The following SYNJ2BP variants were observed in gnomAD, a reference collection of about 807,000 sequenced individuals.
SYNJ2BP encodes the protein synaptojanin 2 binding protein.
A neutral mutation model predicts 16.9 loss-of-function variants in SYNJ2BP; 10 were observed. The observed-to-expected ratio is 0.59, with a 90% CI of 0.36 to 1.00. The LOEUF (loss-of-function observed/expected upper bound fraction) is 1.00, where lower values mean the gene tolerates loss of function less well. Ranked by LOEUF, SYNJ2BP falls within the 50% of genes least tolerant of loss-of-function variation. The probability of loss-of-function intolerance (pLI) is 0.01; values close to 1 mark genes in which losing one functional copy is unlikely to be tolerated. For synonymous variants in SYNJ2BP, 54 were observed against 68.4 expected, an observed-to-expected ratio of 0.79 and a Z score of 1.04; for missense variants, 162 against 186.7, an observed-to-expected ratio of 0.87 and a Z score of 0.77.
In SYNJ2BP at chr14:70,388,496, G is replaced by A; in HGVS notation, c.175C>T (p.Leu59Phe). Residue 59 changes from leucine to phenylalanine, a missense_variant, in exon 2 of 4, where the codon CTC (leucine) becomes TTC (phenylalanine). Coordinates refer to ENST00000256366, the MANE Select transcript of SYNJ2BP (RefSeq NM_018373.3). Reference protein sequence around the residue: ...ENGAAALDGRLQEGDKILSVN... With the variant: ...ENGAAALDGRFQEGDKILSVN... ...GAAAGGATCTTATCACCCTCCTGGA[G>A]CCGCCCATCCAGGGCCGCAGCCCCA... 1 of 1,587,478 alleles carries A rather than the reference G, an allele frequency of 6.3e-7. No homozygotes were observed. Among genetic ancestry groups the A allele is most frequent in the Non-Finnish European group, 8.6e-7 (1 of 1,168,780 alleles).
intron 1 of SYNJ2BP, among the ~76,000 whole-genome samples, chr14:70,414,018 T>C (rs569273826): frequency 3.8e-4 from 58 of 152,302 alleles, no homozygotes; most frequent in African/African-American, 1.4e-3. Context: ...CCATCAAAAT[T>C]ATGTGGAAGT....
chr14:70,370,755 T>C lies in SYNJ2BP; in HGVS notation c.*2236A>G, dbSNP rs1887501977. ...GCTGATATACTTTTAACTTCTCACC[T>C]GTTTATGAATTCTCTTAACTAGGCT... On this transcript the variant is annotated 3_prime_UTR_variant, in exon 4 of 4. Coordinates refer to ENST00000256366, the MANE Select transcript of SYNJ2BP (RefSeq NM_018373.3). 6.6e-6 allele frequency: 1 copy of C among 152,254 alleles called. No homozygotes were observed. Among genetic ancestry groups the C allele is most frequent in the Non-Finnish European group, 1.5e-5 (1 of 68,048 alleles). 9.4% of individuals were successfully genotyped at this position (152,254 alleles called of 1,614,324 possible).
intron 1 of SYNJ2BP, among the ~76,000 whole-genome samples, chr14:70,398,996 G>T (rs1372148571): frequency 1.3e-5 from 2 of 152,140 alleles, no homozygotes; most frequent in African/African-American, 2.4e-5. Flanking sequence ...CAAGTGTCAG[G>T]CTCGGAAGTC....
chr14:70,382,897 A>G (rs1046425444), intron 2 of SYNJ2BP, among the ~76,000 whole-genome samples: 4 of 152,220 alleles, frequency 2.6e-5, no homozygotes, highest in African/African-American at 9.6e-5. Flanking sequence ...AAGAATTTTG[A>G]ATTGCCTCAG....
intron 2 of SYNJ2BP, among the ~76,000 whole-genome samples, chr14:70,376,894 TCA>T (rs1356477930): frequency 6.6e-6 from 1 of 152,212 alleles, no homozygotes; most frequent in Non-Finnish European, 1.5e-5. Flanking sequence ...CTCAACTCTC[TCA>T]TTTTCCTTGT....
At position 70,373,103 on chromosome 14, in the gene SYNJ2BP, T is replaced by A; in HGVS notation, c.326A>T (p.His109Leu). Reference protein sequence around the residue: ...RLQVQNGPIGHRGEGDPSGIP... With the variant: ...RLQVQNGPIGLRGEGDPSGIP... ...ACCACTTGGGTCCCCTTCACCTCGA[T>A]GTCCTATAGGTCCATTCTGCACCTG... is the stretch of plus-strand genomic sequence containing the variant. Residue 109 changes from histidine (H) to leucine (L), a missense_variant, in exon 4 of 4, where the codon CAT becomes CTT. Physicochemically the swap from His to Leu is moderately conservative, Grantham distance 99. Coordinates refer to ENST00000256366, the MANE Select transcript of SYNJ2BP (RefSeq NM_018373.3). The A allele has an allele frequency of 6.2e-7, 1 of 1,614,170 alleles. No homozygotes were observed. The highest frequency in any genetic ancestry group is 8.5e-7 in the Non-Finnish European group (1 of 1,180,024).
rs1266444988 is a variant in SYNJ2BP, at chr14:70,375,680, T to C, written c.293A>G (p.His98Arg). The C allele has an allele frequency of 3.1e-6, 5 of 1,613,776 alleles. No individual in the cohort carries two copies. The highest frequency in any genetic ancestry group is 1.7e-4 in the Middle Eastern group (1 of 6,058). ...CTGGCTCAAAGTGATACCTACCCTG[T>C]GCTGCACTCTCAGAGACACAGCATA... is the stretch of plus-strand genomic sequence containing the variant. Reference protein sequence around the residue: ...AGYAVSLRVQHRLQVQNGPIG... With the variant: ...AGYAVSLRVQRRLQVQNGPIG... The change falls in exon 3 of 4, where the codon CAC (histidine) becomes CGC (arginine). Residue 98 changes from histidine (H) to arginine (R), a missense_variant. Physicochemically the swap from His to Arg is conservative, Grantham distance 29 (BLOSUM62 0). Coordinates refer to ENST00000256366, the MANE Select transcript of SYNJ2BP (RefSeq NM_018373.3).
chr14:70,392,783 C>T (rs149515148), intron 1 of SYNJ2BP, among the ~76,000 whole-genome samples: 3 of 152,258 alleles, frequency 2.0e-5, no homozygotes, highest in African/African-American at 4.8e-5. Flanking sequence ...CTAAACTCTG[C>T]GGCAATCATC....
chr14:70,373,174 G>C (rs1428511560), intron 3 of SYNJ2BP, 43 bp from the exon 4 acceptor site: 9 of 1,607,630 alleles, frequency 5.6e-6, no homozygotes, highest in Non-Finnish European at 7.6e-6. Flanking sequence ...ACTAATGTGT[G>C]TTTGCAACTG....
At chr14:70,393,920 G>A (rs1398126991) in intron 1 of SYNJ2BP, among the ~76,000 whole-genome samples, 1 of 135,984 alleles carries the variant, frequency 7.4e-6, no homozygotes, top group Non-Finnish European at 1.5e-5. Context: ...GTATACCTAT[G>A]TAACAAACCT....
chr14:70,375,022 A>C (rs957264305), intron 3 of SYNJ2BP, among the ~76,000 whole-genome samples: 3 of 151,358 alleles, frequency 2.0e-5, no homozygotes, highest in Non-Finnish European at 4.4e-5. Context: ...GGCTCAAGCA[A>C]TCATACCACC....
rs1180607358 is a variant in SYNJ2BP at position 70,416,989 on chromosome 14, C to G, written c.-26G>C. ...GTTTTACAGCTCGTCTGGCTTCCTA[C>G]TTGGGTCAGCTGGAGTGCAGCACAG... On this transcript the variant is annotated 5_prime_UTR_variant, in exon 1 of 4. Coordinates refer to ENST00000256366, the MANE Select transcript of SYNJ2BP (RefSeq NM_018373.3). The G allele has an allele frequency of 6.2e-7, 1 of 1,614,160 alleles. No individual in the cohort carries two copies. The highest frequency in any genetic ancestry group is 1.7e-5 in the Admixed American group (1 of 60,022).
intron 1 of SYNJ2BP, among the ~76,000 whole-genome samples, chr14:70,403,895 C>T (rs1888293146): frequency 6.6e-6 from 1 of 152,190 alleles, no homozygotes; most frequent in South Asian, 2.1e-4. Context: ...AAGGTAAGCA[C>T]TTAAATCAAG....
At chr14:70,401,973 T>C (rs1282278296) in intron 1 of SYNJ2BP, among the ~76,000 whole-genome samples, 1 of 152,164 alleles carries the variant, frequency 6.6e-6, no homozygotes, top group Non-Finnish European at 1.5e-5. Flanking sequence ...TTCTTTCCAC[T>C]CTGCTCTTCC....
chr14:70,416,795 T>C (rs1175484140), intron 1 of SYNJ2BP, 105 bp downstream of exon 1: 26 of 1,567,788 alleles, frequency 1.7e-5, no homozygotes, highest in Non-Finnish European at 2.3e-5. Flanking sequence ...CTCTAGGTTG[T>C]GGCCTGCCCG....
chr14:70,401,914 AGTTAGGCTTACAAGCATGAGCCACT>A (rs1411691527), intron 1 of SYNJ2BP, among the ~76,000 whole-genome samples: 1 of 152,030 alleles, frequency 6.6e-6, no homozygotes, highest in Non-Finnish European at 1.5e-5. Flanking sequence ...CCTCCCAAAC[AGTTAGGCTTACAAGCATGAGCCACT>A]GTTCCTGGCT....
chr14:70,405,979 G>T (rs1888336991), intron 1 of SYNJ2BP, among the ~76,000 whole-genome samples: 1 of 152,108 alleles, frequency 6.6e-6, no homozygotes, highest in African/African-American at 2.4e-5. Context: ...TGTGTCTTGT[G>T]ATCCTGTTTA....
chr14:70,389,016 A>G (rs1417293480), intron 1 of SYNJ2BP, among the ~76,000 whole-genome samples: 2 of 150,422 alleles, frequency 1.3e-5, no homozygotes, highest in Non-Finnish European at 3.0e-5. Flanking sequence ...TCAGTTGCCC[A>G]GGCTGGTTAT....
intron 2 of SYNJ2BP, among the ~76,000 whole-genome samples, chr14:70,386,343 C>T (rs1887858558): frequency 6.6e-6 from 1 of 152,172 alleles, no homozygotes; most frequent in Non-Finnish European, 1.5e-5. Context: ...CTCCATCTCA[C>T]TGATTAATAA....
Sources: allele counts gnomAD v4.1 joint callset (sites outside exome capture counted in the v4.1 genomes callset), GRCh38; gene constraint gnomAD v4.1.1; transcripts MANE v1.5; gene names NCBI Gene and HGNC (gene_info 2026-07-23, HGNC 2026-07-21).